Variants in CKB observed in about 807,000 individuals in gnomAD.
The protein encoded by CKB is creatine kinase B-type.
A neutral mutation model predicts 36.9 loss-of-function variants in CKB; 15 were observed. That is an observed-to-expected ratio of 0.41 (90% CI 0.27 to 0.63). The LOEUF (loss-of-function observed/expected upper bound fraction) is 0.63. CKB is among the 20% of genes least tolerant of loss of function. The pLI, the probability that CKB is intolerant of heterozygous loss-of-function variation, is 0.34. For missense variants in CKB, 413 were observed against 534.9 expected, an observed-to-expected ratio of 0.77 and a Z score of 2.25; for synonymous variants, 250 against 228.2, an observed-to-expected ratio of 1.10 and a Z score of -0.86.
At chr14:103,520,711 C>T (rs2075894075) in intron 5 of CKB, 119 bp from the exon 6 acceptor site, 3 of 1,354,850 alleles carry the variant, frequency 2.2e-6, no homozygotes, top group South Asian at 1.5e-5. Flanking sequence ...GTGGAGGCTG[C>T]TGCCAAGACT....
intron 3 of CKB, 36 bp downstream of exon 3, chr14:103,521,987 C>T (rs1433334140): frequency 5.8e-6 from 9 of 1,547,410 alleles, no homozygotes; most frequent in Non-Finnish European, 7.0e-6. Context: ...CCGAAGACCC[C>T]GGCCCCGCCC....
At position 103,519,733 on chromosome 14, in the gene CKB, C is replaced by G. The variant is rs1296611532; in HGVS notation, c.*131G>C. ...TTAGCCATCAAAAAAATAAACTCTA[C>G]CAAGGGTGACGGAAGTCTCTACAGC... is the stretch of plus-strand genomic sequence containing the variant. On this transcript the variant is annotated 3_prime_UTR_variant, in exon 8 of 8. Coordinates refer to ENST00000348956, the MANE Select transcript of CKB (RefSeq NM_001823.5). The G allele has an allele frequency of 1.9e-6, 2 of 1,063,392 alleles. No individual in the cohort carries two copies. Among genetic ancestry groups the G allele is most frequent in the Non-Finnish European group, 2.7e-6 (2 of 745,716 alleles). 65.9% of individuals were successfully genotyped at this position (1,063,392 alleles called of 1,614,324 possible). A position where few individuals can be genotyped will look rare whatever the true frequency, so the allele number is the denominator to read the frequency against.
Position 103,519,945 on chromosome 14 carries a change from G to T in CKB, c.1065C>A (p.Asp355Glu). ...SEVELVQMVV[D>E]GVKLLIEMEQ... ...CCATCTCGATGAGCAGCTTCACTCC[G>T]TCCACCACCATCTGCACCAGCTCCA... The change falls in exon 8 of 8, where the codon GAC (aspartate) becomes GAA (glutamate). Residue 355 changes from aspartate (D) to glutamate (E), a missense_variant. Asp to Glu is a conservative substitution (Grantham distance 45). Transcript: ENST00000348956. The T allele has an allele frequency of 6.2e-7, 1 of 1,610,424 alleles. No individual in the cohort carries two copies.
chr14:103,521,646 G>C (rs905326981), intron 4 of CKB, 172 bp downstream of exon 4: 4 of 976,496 alleles, frequency 4.1e-6, no homozygotes, highest in East Asian at 6.8e-5. Flanking sequence ...GCCGCTGTGG[G>C]CGCGGGGCTG....
Position 103,522,668 on chromosome 14 carries a change from C to T in CKB, c.-13+98G>A, listed in dbSNP as rs1234794201. The stretch of plus-strand genomic sequence containing the variant: ...GGGGAGCGCCATCATCGCCGGGGAC[C>T]CCCGGCCGGTCCGGCGCGCGCTCCA... On this transcript the variant is annotated intron_variant, in intron 1 of 7. Coordinates refer to ENST00000348956, the MANE Select transcript of CKB (RefSeq NM_001823.5). The surrounding 1 kb of genome is among the most constrained non-coding windows in gnomAD (Gnocchi z 6.7). 1.2e-5 allele frequency: 3 copies of T among 245,414 alleles called. No homozygotes were observed. Among genetic ancestry groups the T allele is most frequent in the African/African-American group, 2.3e-5 (1 of 42,914 alleles). 15.2% of individuals were successfully genotyped at this position (245,414 alleles called of 1,614,324 possible). A position where few individuals can be genotyped will look rare whatever the true frequency, so the allele number is the denominator to read the frequency against.
In CKB at chr14:103,519,908, C is replaced by G. The variant is rs2075887428; in HGVS notation, c.1102G>C (p.Glu368Gln). The G allele has an allele frequency of 1.2e-6, 2 of 1,608,590 alleles. No homozygotes were observed. The highest frequency in any genetic ancestry group is 8.5e-7 in the Non-Finnish European group (1 of 1,179,966). The change falls in exon 8 of 8, where the codon GAG (glutamate) becomes CAG (glutamine). Residue 368 changes from glutamate to glutamine, a missense_variant. Coordinates refer to ENST00000348956, the MANE Select transcript of CKB (RefSeq NM_001823.5). ...AGGTCGTCGATGGCCTGGCCCTGCT[C>G]CAGCCGCTGCTCCATCTCGATGAGC... ...KLLIEMEQRL[E>Q]QGQAIDDLMP...
intron 5 of CKB, 66 bp from the exon 6 acceptor site, chr14:103,520,658 A>G: frequency 6.5e-7 from 1 of 1,536,546 alleles, no homozygotes; most frequent in Non-Finnish European, 8.8e-7. Flanking sequence ...GACCAAAGGA[A>G]CTTCCCAAGT....
In CKB at chr14:103,519,840, C is replaced by CT; in HGVS notation, c.*23dup. ...GGCAATAAGTTAGGAAGCAGCAGGG[C>CT]TGGTGTCGGGTGTGGGCCGGGCTTC... is the stretch of plus-strand genomic sequence containing the variant. On this transcript the variant is annotated 3_prime_UTR_variant, in exon 8 of 8. Coordinates refer to ENST00000348956, the MANE Select transcript of CKB (RefSeq NM_001823.5). The CT allele has an allele frequency of 6.3e-7, 1 of 1,578,138 alleles. No individual in the cohort carries two copies. Among genetic ancestry groups the CT allele is most frequent in the African/African-American group, 1.3e-5 (1 of 74,482 alleles).
chr14:103,521,426 T>C lies in CKB; in HGVS notation c.490A>G (p.Ser164Gly). 1.9e-6 allele frequency: 3 copies of C among 1,597,014 alleles called. No individual in the cohort carries two copies. Among genetic ancestry groups the C allele is most frequent in the South Asian group, 1.1e-5 (1 of 90,224 alleles). ...IEKLAVEALSSLDGDLAGRYY... is the reference protein window; with the variant it reads ...IEKLAVEALSGLDGDLAGRYY... Reference sequence around the variant, plus strand: ...CGGCCCGCCAGGTCGCCGTCCAGGCTGGACAGGGCTGCGAGGGGTGCGCTC... The same window carrying C: ...CGGCCCGCCAGGTCGCCGTCCAGGCCGGACAGGGCTGCGAGGGGTGCGCTC... Residue 164 changes from serine to glycine, a missense_variant, in exon 5 of 8, where the codon AGC becomes GGC. Physicochemically the swap from Ser to Gly is moderately conservative, Grantham distance 56 (BLOSUM62 0). Around this residue, in one of 3 missense-constraint regions of CKB, gnomAD observed 314 missense variants for 409.4 expected, o/e 0.77. Transcript: ENST00000348956.
At position 103,521,347 on chromosome 14, in the gene CKB, T is replaced by G; in HGVS notation, c.569A>C (p.Asp190Ala). 6.2e-7 allele frequency: 1 copy of G among 1,609,938 alleles called. No individual in the cohort carries two copies. Among genetic ancestry groups the G allele is most frequent in the Non-Finnish European group, 8.5e-7 (1 of 1,179,408 alleles). Residue 190 changes from aspartate (D) to alanine (A), a missense_variant, in exon 5 of 8, where the codon GAC becomes GCC. Around this residue, in one of 3 missense-constraint regions of CKB, gnomAD observed 314 missense variants for 409.4 expected, o/e 0.77. Coordinates refer to ENST00000348956, the MANE Select transcript of CKB (RefSeq NM_001823.5). Reference sequence around the variant, plus strand: ...CACGGGCTTGTCGAAGAGGAAGTGGTCGTCGATGAGCTGCTGCTGCTCCGC... The same window carrying G: ...CACGGGCTTGTCGAAGAGGAAGTGGGCGTCGATGAGCTGCTGCTGCTCCGC... ...TEAEQQQLID[D>A]HFLFDKPVSP...
At chr14:103,520,088 G>A in intron 7 of CKB, 34 bp downstream of exon 7, 1 of 1,603,816 alleles carries the variant, frequency 6.2e-7, no homozygotes. Flanking sequence ...GCTGCCCAAA[G>A]GCCACGGGAA....
In CKB at chr14:103,522,390, G is replaced by T. The variant is rs768226434; in HGVS notation, c.104C>A (p.Thr35Asn). 2.5e-6 allele frequency: 4 copies of T among 1,611,168 alleles called. No individual in the cohort carries two copies. Among genetic ancestry groups the T allele is most frequent in the Admixed American group, 3.4e-5 (2 of 59,628 alleles). ...AHNNHMAKVL[T>N]PELYAELRAK... ...GCGCAGCTCCGCGTACAGCTCGGGG[G>T]TCAGCACCTTGGCCATGTGGTTGTT... Residue 35 changes from threonine to asparagine, a missense_variant, in exon 2 of 8, where the codon ACC becomes AAC. Around this residue, in one of 3 missense-constraint regions of CKB, gnomAD observed 74 missense variants for 70.6 expected, o/e 1.05. Transcript: ENST00000348956. The surrounding 1 kb of genome is among the most constrained non-coding windows in gnomAD (Gnocchi z 6.7).
Position 103,519,814 on chromosome 14 carries a change from A to G in CKB, c.*50T>C, listed in dbSNP as rs1284497167. Reference sequence around the variant, plus strand: ...CAGGGGTGCATGGTGGGCACTGCCCAGGCAATAAGTTAGGAAGCAGCAGGG... The same window carrying G: ...CAGGGGTGCATGGTGGGCACTGCCCGGGCAATAAGTTAGGAAGCAGCAGGG... On this transcript the variant is annotated 3_prime_UTR_variant, in exon 8 of 8. Coordinates refer to ENST00000348956, the MANE Select transcript of CKB (RefSeq NM_001823.5). The G allele has an allele frequency of 2.6e-6, 4 of 1,552,752 alleles. No homozygotes were observed. The highest frequency in any genetic ancestry group is 8.7e-7 in the Non-Finnish European group (1 of 1,153,596).
At position 103,522,560 on chromosome 14, in the gene CKB, C is replaced by T; in HGVS notation, c.-12-55G>A. ...CGGCACGCCGGGGTTCCCGGGCTCC[C>T]GCGTACCACTCAGGCCCCCGCCGCC... On this transcript the variant is annotated intron_variant, in intron 1 of 7. Coordinates refer to ENST00000348956, the MANE Select transcript of CKB (RefSeq NM_001823.5). This position sits in a 1 kb window ranked among gnomAD's most constrained non-coding sequence, Gnocchi z 6.7. 9.4e-7 allele frequency: 1 copy of T among 1,067,406 alleles called. No homozygotes were observed. Among genetic ancestry groups the T allele is most frequent in the Non-Finnish European group, 1.2e-6 (1 of 801,600 alleles). 66.1% of individuals were successfully genotyped at this position (1,067,406 alleles called of 1,614,324 possible). A position where few individuals can be genotyped will look rare whatever the true frequency, so the allele number is the denominator to read the frequency against.
rs145462676 is a variant in CKB, at chr14:103,519,928, A to G, written c.1082T>C (p.Ile361Thr). 1.6e-5 allele frequency: 25 copies of G among 1,609,610 alleles called. No individual in the cohort carries two copies. In the African/African-American group the frequency reaches 3.3e-4, roughly 21 times the overall value. ...CTGCTCCAGCCGCTGCTCCATCTCG[A>G]TGAGCAGCTTCACTCCGTCCACCAC... ...QMVVDGVKLL[I>T]EMEQRLEQGQ... Residue 361 changes from isoleucine to threonine, a missense_variant, in exon 8 of 8, where the codon ATC becomes ACC. Ile to Thr is a moderately conservative substitution (Grantham distance 89). This residue lies in a region of CKB where 314 missense variants were observed against 409.4 expected (regional missense o/e 0.77). Transcript: ENST00000348956.
At chr14:103,521,119 C>T in intron 5 of CKB, 144 bp downstream of exon 5, 1 of 1,054,452 alleles carries the variant, frequency 9.5e-7, no homozygotes, top group South Asian at 1.4e-5. Flanking sequence ...GGCACGGAAC[C>T]CAGACCCGGA....
chr14:103,522,605 G>A lies in CKB; in HGVS notation c.-12-100C>T. ...GCCGCCGGGCCCCCCGGCGCCCCCC[G>A]GGACGCGGCCAAGGTCAGCGGGGTC... On this transcript the variant is annotated intron_variant, in intron 1 of 7. Transcript: ENST00000348956. This position sits in a 1 kb window ranked among gnomAD's most constrained non-coding sequence, Gnocchi z 6.7. 3 of 866,246 alleles carry A rather than the reference G, an allele frequency of 3.5e-6. No individual in the cohort carries two copies. The highest frequency in any genetic ancestry group is 5.4e-5 in the South Asian group (2 of 36,764). 53.7% of individuals were successfully genotyped at this position (866,246 alleles called of 1,614,324 possible). A position where few individuals can be genotyped will look rare whatever the true frequency, so the allele number is the denominator to read the frequency against.
rs11545352 is a variant in CKB at position 103,522,418 on chromosome 14, G to A, written c.76C>T (p.His26Tyr). The change falls in exon 2 of 8, where the codon CAC (histidine) becomes TAC (tyrosine). Residue 26 changes from histidine (H) to tyrosine (Y), a missense_variant. By Grantham distance (83) the His-to-Tyr change is moderately conservative (BLOSUM62 2). Coordinates refer to ENST00000348956, the MANE Select transcript of CKB (RefSeq NM_001823.5). The surrounding 1 kb of genome is among the most constrained non-coding windows in gnomAD (Gnocchi z 6.7). ...AEDEFPDLSA[H>Y]NNHMAKVLTP... ...AGCACCTTGGCCATGTGGTTGTTGTGGGCGCTCAGGTCGGGGAACTCGTCC... is the reference window on the plus strand; with the variant it reads ...AGCACCTTGGCCATGTGGTTGTTGTAGGCGCTCAGGTCGGGGAACTCGTCC... The A allele has an allele frequency of 6.2e-7, 1 of 1,610,054 alleles. No homozygotes were observed. Among genetic ancestry groups the A allele is most frequent in the East Asian group, 2.2e-5 (1 of 44,518 alleles).
At position 103,522,137 on chromosome 14, in the gene CKB, G is replaced by A. The variant is rs1271625281; in HGVS notation, c.234C>T (p.Asp78=). The A allele has an allele frequency of 6.2e-7, 1 of 1,601,460 alleles. No individual in the cohort carries two copies. The change falls in exon 3 of 8, where the codon GAC becomes GAT. Residue 78 remains aspartate (D), a synonymous_variant. Transcript: ENST00000348956. This position sits in a 1 kb window ranked among gnomAD's most constrained non-coding sequence, Gnocchi z 6.7. ...YIMTVGCVAG[D]EESYEVFKDL... ...CCTTGAACACTTCGTAGGACTCCTC[G>A]TCGCCCGCCACGCAGCCCACGGTCA... is the stretch of plus-strand genomic sequence containing the variant.
Sources: gnomAD v4.1 joint callset for allele counts on GRCh38, gnomAD v4.1.1 for gene constraint, gnomAD v4.1.1 regional missense constraint, Gnocchi (gnomAD v3.1) non-coding constraint, MANE v1.5 for transcripts, NCBI Gene and HGNC (gene_info 2026-07-23, HGNC 2026-07-21) for gene names.